Variants in PHTF2 observed in about 807,000 individuals in gnomAD.
PHTF2 encodes putative homeodomain transcription factor 2.
Under a neutral mutation model 101.2 loss-of-function variants are expected in PHTF2, and 60 were observed. The ratio of observed to expected loss-of-function variants is 0.59; its 90% CI spans 0.48 to 0.73. The LOEUF is 0.73. PHTF2 is among the 30% of genes least tolerant of loss of function. The pLI is 0.00. For synonymous variants in PHTF2, 311 were observed against 307.3 expected, an observed-to-expected ratio of 1.01 and a Z score of -0.13; for missense variants, 747 against 908.7, an observed-to-expected ratio of 0.82 and a Z score of 2.29.
chr7:77,937,504 G>A (rs1410822453), intron 12 of PHTF2, among the ~76,000 whole-genome samples: 3 of 152,170 alleles, frequency 2.0e-5, no homozygotes, highest in Non-Finnish European at 4.4e-5. Context: ...GAATTTTAGT[G>A]TCTTAGAGTT....
At chr7:77,907,512 A>G (rs1258129419) in intron 7 of PHTF2, among the ~76,000 whole-genome samples, 2 of 152,190 alleles carry the variant, frequency 1.3e-5, no homozygotes, top group South Asian at 2.1e-4. Flanking sequence ...ACTAGATAGA[A>G]TAGTACAACA....
intron 9 of PHTF2, among the ~76,000 whole-genome samples, chr7:77,913,490 A>G (rs1414050321): frequency 2.0e-5 from 3 of 152,088 alleles, no homozygotes; most frequent in Non-Finnish European, 2.9e-5. Flanking sequence ...TCTATTAAAG[A>G]GATTGAATAG....
chr7:77,947,826 C>CTTTCTTTTTTTTTT (rs1562976127), intron 16 of PHTF2, among the ~76,000 whole-genome samples: 2 of 86,926 alleles, frequency 2.3e-5, no homozygotes, highest in African/African-American at 9.4e-5. Context: ...TTTCTTTTTT[C>CTTTCTTTTTTTTTT]TTTTTTCTTT....
intron 7 of PHTF2, among the ~76,000 whole-genome samples, chr7:77,904,317 C>G (rs572938505): frequency 6.6e-6 from 1 of 152,284 alleles, no homozygotes; most frequent in East Asian, 1.9e-4. Flanking sequence ...AGTCAATCCT[C>G]TATGTTCTCT....
chr7:77,954,361 T>C (rs1480304410), intron 19 of PHTF2, among the ~76,000 whole-genome samples: 7 of 152,118 alleles, frequency 4.6e-5, no homozygotes, highest in Non-Finnish European at 1.0e-4. Context: ...CTCGAACTCC[T>C]GACCTCAAGT....
chr7:77,812,380 C>T (rs1284444280), intron 1 of PHTF2, among the ~76,000 whole-genome samples: 1 of 152,084 alleles, frequency 6.6e-6, no homozygotes, highest in Non-Finnish European at 1.5e-5. Flanking sequence ...GACTTGAATA[C>T]CTCAAACCCA....
At chr7:77,943,141 A>T (rs1366358786) in intron 16 of PHTF2, among the ~76,000 whole-genome samples, 3 of 151,616 alleles carry the variant, frequency 2.0e-5, no homozygotes, top group African/African-American at 7.3e-5. Context: ...CTTTTTTTTG[A>T]GATGGAGTCT....
intron 7 of PHTF2, among the ~76,000 whole-genome samples, chr7:77,905,430 A>G (rs1307835279): frequency 6.6e-6 from 1 of 151,914 alleles, no homozygotes; most frequent in African/African-American, 2.4e-5. Flanking sequence ...TGGGGTCTTA[A>G]TATGTTGCCC....
At chr7:77,842,588 C>T (rs1485094858) in intron 2 of PHTF2, among the ~76,000 whole-genome samples, 1 of 152,142 alleles carries the variant, frequency 6.6e-6, no homozygotes, top group Non-Finnish European at 1.5e-5. Flanking sequence ...CTATCCATCC[C>T]TATCCTTACC....
At chr7:77,925,821 G>A (rs1270974894) in intron 11 of PHTF2, among the ~76,000 whole-genome samples, 8 of 152,042 alleles carry the variant, frequency 5.3e-5, no homozygotes, top group Admixed American at 3.3e-4. Flanking sequence ...ACTTTGGGAG[G>A]CTGAGGCGGG....
intron 5 of PHTF2, among the ~76,000 whole-genome samples, chr7:77,895,512 C>T (rs1800800669): frequency 6.6e-6 from 1 of 152,004 alleles, no homozygotes; most frequent in African/African-American, 2.4e-5. Context: ...GCCTTTAACT[C>T]ATTAGACAGG....
At chr7:77,832,715 C>T (rs1795164589) in intron 1 of PHTF2, among the ~76,000 whole-genome samples, 1 of 152,006 alleles carries the variant, frequency 6.6e-6, no homozygotes, top group African/African-American at 2.4e-5. Context: ...TGTCTTCCAT[C>T]ATCCCCAGAT....
At chr7:77,805,996 GA>G (rs139735891) in intron 1 of PHTF2, among the ~76,000 whole-genome samples, 3,356 of 152,262 alleles carry the variant, frequency 0.022, 52 homozygotes, top group Middle Eastern at 0.068. Context: ...CCAACATGTT[GA>G]AACCTCGTCT....
intron 11 of PHTF2, among the ~76,000 whole-genome samples, chr7:77,927,585 G>A (rs557798333): frequency 2.4e-4 from 36 of 152,274 alleles, no homozygotes; most frequent in African/African-American, 7.7e-4. Flanking sequence ...GCGACAGAGT[G>A]AGCCTCCATC....
At chr7:77,826,296 G>A (rs948695916) in intron 1 of PHTF2, among the ~76,000 whole-genome samples, 1 of 152,162 alleles carries the variant, frequency 6.6e-6, no homozygotes, top group East Asian at 1.9e-4. Flanking sequence ...TGTTTACAAA[G>A]TTTTGACGGT....
At chr7:77,801,712 T>G (rs888994024) in intron 1 of PHTF2, among the ~76,000 whole-genome samples, 1 of 152,204 alleles carries the variant, frequency 6.6e-6, no homozygotes, top group African/African-American at 2.4e-5. Flanking sequence ...ATAAATGAAT[T>G]TTGTGTTTAG....
At chr7:77,906,292 A>T (rs1461808891) in intron 7 of PHTF2, 1 of 152,154 alleles carries the variant, frequency 6.6e-6, no homozygotes, top group Non-Finnish European at 1.5e-5. Context: ...GGCTCTCCAT[A>T]TATCTTCTAA....
chr7:77,874,258 T>C (rs1229492874), intron 3 of PHTF2, among the ~76,000 whole-genome samples: 1 of 152,170 alleles, frequency 6.6e-6, no homozygotes, highest in Non-Finnish European at 1.5e-5. Flanking sequence ...TTTTTGGGTC[T>C]AATCACATTA....
chr7:77,862,147 T>A (rs915945252), intron 3 of PHTF2, among the ~76,000 whole-genome samples: 8 of 152,150 alleles, frequency 5.3e-5, no homozygotes, highest in African/African-American at 1.9e-4. Context: ...GTAATGTTTA[T>A]AGACTCCAAG....
Sources: gnomAD v4.1 joint callset for allele counts (sites outside exome capture counted in the v4.1 genomes callset) on GRCh38, gnomAD v4.1.1 for gene constraint, MANE v1.5 for transcripts, NCBI Gene and HGNC (gene_info 2026-07-23, HGNC 2026-07-21) for gene names.